The following NPAS3 variants were observed in gnomAD, a reference collection of about 807,000 sequenced individuals.
The protein encoded by NPAS3 is neuronal PAS domain protein 3.
A neutral mutation model predicts 73.1 loss-of-function variants in NPAS3; 14 were observed. The ratio of observed to expected loss-of-function variants is 0.19; its 90% confidence interval spans 0.13 to 0.30. NPAS3 has a LOEUF of 0.30. Ranked by LOEUF, NPAS3 falls within the 10% of genes least tolerant of loss-of-function variation. The pLI, the probability that NPAS3 is intolerant of heterozygous loss-of-function variation, is 1.00. For missense variants in NPAS3, 1,096 were observed against 1,250.0 expected (o/e 0.88, Z 1.86); for synonymous variants, 620 against 541.5 (o/e 1.14, Z -2.01).
rs563244682 is a variant in NPAS3, at chr14:33,327,080, A to G, written c.386-40106A>G. On this transcript the variant is annotated intron_variant, in intron 3 of 11. Transcript: ENST00000356141. Reference sequence around the variant, plus strand: ...GGCAAGCTGATAGTAAATTGATGACATTTAAACATTGATAGCATTTTAGAA... The same window carrying G: ...GGCAAGCTGATAGTAAATTGATGACGTTTAAACATTGATAGCATTTTAGAA... Among the ~76,000 whole-genome samples the G allele has an allele frequency of 8.5e-5, 13 of 152,338 alleles. 1 individual carries two copies. The South Asian group carries it at 2.7e-3, about 32-fold the overall frequency.
intron 4 of NPAS3, among the ~76,000 whole-genome samples, chr14:33,425,848 G>A (rs564513293): frequency 6.6e-5 from 10 of 152,164 alleles, no homozygotes; most frequent in South Asian, 2.1e-4. Flanking sequence ...TGCAGCATCA[G>A]CACCTCACGG....
At chr14:33,464,774 C>CT (rs2050433307) in intron 4 of NPAS3, among the ~76,000 whole-genome samples, 1 of 152,164 alleles carries the variant, frequency 6.6e-6, no homozygotes, top group Non-Finnish European at 1.5e-5. Flanking sequence ...CTGTTTGTAC[C>CT]TTCCTGTATG....
intron 5 of NPAS3, among the ~76,000 whole-genome samples, chr14:33,630,211 G>T (rs181718730): frequency 2.0e-5 from 3 of 152,274 alleles, no homozygotes; most frequent in Admixed American, 6.5e-5. Context: ...AAGTCTACGG[G>T]ATTTTGATCT....
Position 33,084,635 on chromosome 14 carries a change from A to C in NPAS3, c.140+28641A>C, listed in dbSNP as rs2041963203. ...GAGTCCCATGGAATCCCTCTGGGCAAGGGAATCCTGGGGACCTGTGTGATC... is the reference window on the plus strand; with the variant it reads ...GAGTCCCATGGAATCCCTCTGGGCACGGGAATCCTGGGGACCTGTGTGATC... On this transcript the variant is annotated intron_variant, in intron 2 of 11. Coordinates refer to ENST00000356141, the Ensembl canonical transcript of NPAS3. Among the ~76,000 whole-genome samples the C allele has an allele frequency of 2.0e-5, 3 of 152,178 alleles. No individual in the cohort carries two copies. In the South Asian group the frequency reaches 6.2e-4, roughly 31 times the overall value.
intron 2 of NPAS3, among the ~76,000 whole-genome samples, chr14:33,170,715 C>T (rs933712298): frequency 1.3e-5 from 2 of 152,170 alleles, no homozygotes; most frequent in African/African-American, 4.8e-5. Context: ...CCATAAGAAG[C>T]CACTCCTCAT....
intron 1 of NPAS3, among the ~76,000 whole-genome samples, chr14:32,994,465 A>AT (rs887534972): frequency 7.9e-5 from 12 of 151,434 alleles, no homozygotes; most frequent in Non-Finnish European, 1.6e-4. Context: ...AGAGCCCCAA[A>AT]TTTTTTTTTC....
At chr14:33,755,075 G>GAT (rs1017708490) in intron 7 of NPAS3, among the ~76,000 whole-genome samples, 2 of 152,124 alleles carry the variant, frequency 1.3e-5, no homozygotes, top group African/African-American at 4.8e-5. Flanking sequence ...TTTGCCACTT[G>GAT]ATATATATTT....
chr14:33,662,072 A>C lies in NPAS3; in HGVS notation c.559-14139A>C, dbSNP rs543901916. Among the ~76,000 whole-genome samples, 4 of 152,350 alleles carry C rather than the reference A, an allele frequency of 2.6e-5. No homozygotes were observed. In the East Asian group the frequency reaches 7.7e-4, roughly 29 times the overall value. On this transcript the variant is annotated intron_variant, in intron 5 of 11. Coordinates refer to ENST00000356141, the Ensembl canonical transcript of NPAS3. The stretch of plus-strand genomic sequence containing the variant: ...AGGTGATTTTTCTGGCTAATTTCCA[A>C]TGTATCAGTGCTCTCTTATGGAAGC...
Position 33,363,922 on chromosome 14 carries a change from C to CTGTGTGTGTGTGTGTGTG in NPAS3, c.386-3254_386-3237dup, listed in dbSNP as rs10627532. 1.9e-3 allele frequency among the ~76,000 whole-genome samples: 289 copies of CTGTGTGTGTGTGTGTGTG among 148,864 alleles called. 4 individuals are homozygous for CTGTGTGTGTGTGTGTGTG. Among genetic ancestry groups the CTGTGTGTGTGTGTGTGTG allele is most frequent in the East Asian group, 4.4e-3 (22 of 5,026 alleles). On this transcript the variant is annotated intron_variant, in intron 3 of 11. Transcript: ENST00000356141. Reference sequence around the variant, plus strand: ...CATTCCATTTATTTAGCAATGCCCTCTGTGTGTGTGTGTGTGTGTGTGTGT... The same window carrying CTGTGTGTGTGTGTGTGTG: ...CATTCCATTTATTTAGCAATGCCCTCTGTGTGTGTGTGTGTGTGTGTGTGTGTGTGTGTGTGTGTGTGT...
At chr14:33,082,611 A>G (rs1371357803) in intron 2 of NPAS3, among the ~76,000 whole-genome samples, 1 of 152,202 alleles carries the variant, frequency 6.6e-6, no homozygotes, top group Non-Finnish European at 1.5e-5. Flanking sequence ...ATTTAGCACT[A>G]TACCTCAAAC....
intron 4 of NPAS3, among the ~76,000 whole-genome samples, chr14:33,470,987 A>G (rs764106180): frequency 2.6e-5 from 4 of 152,036 alleles, no homozygotes; most frequent in Admixed American, 6.5e-5. Context: ...ACAATCTACA[A>G]TCTACCTCAT....
intron 4 of NPAS3, among the ~76,000 whole-genome samples, chr14:33,391,644 T>C (rs550618220): frequency 1.3e-5 from 2 of 152,326 alleles, no homozygotes; most frequent in South Asian, 2.1e-4. Context: ...AGAGAGAGTG[T>C]GTGTGAACAA....
At chr14:33,525,834 C>G (rs1305436891) in intron 4 of NPAS3, among the ~76,000 whole-genome samples, 1 of 151,992 alleles carries the variant, frequency 6.6e-6, no homozygotes, top group Non-Finnish European at 1.5e-5. Context: ...GATCAGGAAC[C>G]GGGAAACGTC....
At chr14:33,190,549 A>G (rs986459193) in intron 2 of NPAS3, among the ~76,000 whole-genome samples, 2 of 152,236 alleles carry the variant, frequency 1.3e-5, no homozygotes, top group African/African-American at 4.8e-5. Flanking sequence ...TTTAGCTCAC[A>G]TTGGGTGCCA....
chr14:33,671,075 T>C (rs2059597658), intron 5 of NPAS3, among the ~76,000 whole-genome samples: 1 of 152,186 alleles, frequency 6.6e-6, no homozygotes, highest in East Asian at 1.9e-4. Context: ...AATAGATGTA[T>C]GGCCTTTCTT....
intron 4 of NPAS3, among the ~76,000 whole-genome samples, chr14:33,433,881 T>C (rs1353435664): frequency 6.6e-6 from 1 of 152,212 alleles, no homozygotes; most frequent in East Asian, 1.9e-4. Context: ...TAAATGATTG[T>C]TTCAGAACAG....
At chr14:33,626,989 A>T (rs2058239610) in intron 5 of NPAS3, among the ~76,000 whole-genome samples, 1 of 152,096 alleles carries the variant, frequency 6.6e-6, no homozygotes, top group Non-Finnish European at 1.5e-5. Flanking sequence ...AAGCCACACA[A>T]AGCATCAAAG....
intron 4 of NPAS3, among the ~76,000 whole-genome samples, chr14:33,388,024 G>T (rs2046842516): frequency 2.0e-5 from 3 of 152,114 alleles, no homozygotes; most frequent in Admixed American, 2.0e-4. Flanking sequence ...ATGAGAGGAG[G>T]TGCCATAGGG....
chr14:33,657,139 G>T (rs150915714), intron 5 of NPAS3, among the ~76,000 whole-genome samples: 14 of 152,296 alleles, frequency 9.2e-5, no homozygotes, highest in Non-Finnish European at 7.4e-5. Flanking sequence ...CTATGTGAAA[G>T]CTACAAAAGT....
Sources: gnomAD v4.1 joint callset for allele counts (sites outside exome capture counted in the v4.1 genomes callset) on GRCh38, gnomAD v4.1.1 for gene constraint, MANE v1.5 for transcripts, NCBI Gene and HGNC (gene_info 2026-07-23, HGNC 2026-07-21) for gene names.